The following MEOX2 variants were observed in gnomAD, a reference collection of about 807,000 sequenced individuals.
MEOX2 encodes homeobox protein MOX-2.
In MEOX2, 11 loss-of-function variants were observed where a neutral mutation model predicts 27.0. That is an observed-to-expected ratio of 0.41 (90% confidence interval 0.26 to 0.68). The LOEUF (loss-of-function observed/expected upper bound fraction) is 0.68, where lower values mean the gene tolerates loss of function less well. Ranked by LOEUF, MEOX2 falls within the 30% of genes least tolerant of loss-of-function variation. MEOX2 has a pLI of 0.33. For missense variants in MEOX2, 436 were observed against 385.4 expected, an observed-to-expected ratio of 1.13 and a Z score of -1.10; for synonymous variants, 189 against 155.4, an observed-to-expected ratio of 1.22 and a Z score of -1.61.
rs777349008 is a variant in MEOX2 at position 15,686,360 on chromosome 7, T to C, written c.43A>G (p.Thr15Ala). Residue 15 changes from threonine (T) to alanine (A), a missense_variant, in exon 1 of 3, where the codon ACG (threonine) becomes GCG (alanine). Transcript: ENST00000262041. ...LFGCLRSPHA[T>A]AQGLHPFSQS... ...GAGAACGGGTGCAAGCCTTGCGCCG[T>C]GGCGTGAGGGCTGCGCAGGCAGCCA... 6.3e-5 allele frequency: 101 copies of C among 1,592,200 alleles called. No homozygotes were observed. The highest frequency in any genetic ancestry group is 8.3e-5 in the Non-Finnish European group (97 of 1,168,754).
At chr7:15,682,490 A>C (rs1729015149) in intron 1 of MEOX2, among the ~76,000 whole-genome samples, 1 of 151,918 alleles carries the variant, frequency 6.6e-6, no homozygotes, top group East Asian at 1.9e-4. Flanking sequence ...TTTTACAAGA[A>C]TCTAATATGA....
chr7:15,669,088 C>G (rs776525966), intron 1 of MEOX2, among the ~76,000 whole-genome samples: 14 of 152,174 alleles, frequency 9.2e-5, no homozygotes, highest in African/African-American at 3.4e-4. Flanking sequence ...AACACAATTA[C>G]CACATCCACA....
chr7:15,627,019 G>A (rs202182874), intron 1 of MEOX2, 101 bp from the exon 2 acceptor site: 58 of 1,148,392 alleles, frequency 5.1e-5, no homozygotes, highest in African/African-American at 3.4e-4. Context: ...CAGGTACTGC[G>A]CTAGACATGG....
chr7:15,656,402 GT>G (rs1230552548), intron 1 of MEOX2, among the ~76,000 whole-genome samples: 13 of 147,934 alleles, frequency 8.8e-5, no homozygotes, highest in Admixed American at 7.4e-4. Flanking sequence ...TTTACTTTTT[GT>G]TTTTTCATTG....
intron 1 of MEOX2, chr7:15,680,978 G>A (rs1340628462): frequency 6.6e-6 from 1 of 150,410 alleles, no homozygotes; most frequent in South Asian, 2.1e-4. Context: ...ATCAAGGGGG[G>A]AAATGCTTAT....
In MEOX2 at chr7:15,686,444, G is replaced by C. The variant is rs1378706096; in HGVS notation, c.-42C>G. On this transcript the variant is annotated 5_prime_UTR_variant, in exon 1 of 3. Transcript: ENST00000262041. ...GTTCCAGGCAGAAGACTTCACGGCGGTTCCAAAGGCCACCACCCTCTGTCA... is the reference window on the plus strand; with the variant it reads ...GTTCCAGGCAGAAGACTTCACGGCGCTTCCAAAGGCCACCACCCTCTGTCA... 2.0e-6 allele frequency: 3 copies of C among 1,508,752 alleles called. No individual in the cohort carries two copies. Among genetic ancestry groups the C allele is most frequent in the South Asian group, 2.5e-5 (2 of 79,116 alleles). The allele number at this position is 1,508,752 out of a possible 1,614,324, so 93.5% of individuals were successfully genotyped here.
At chr7:15,667,371 C>T (rs1188794237) in intron 1 of MEOX2, among the ~76,000 whole-genome samples, 1 of 149,774 alleles carries the variant, frequency 6.7e-6, no homozygotes, top group Non-Finnish European at 1.5e-5. Flanking sequence ...TGGAAACTCC[C>T]TGGATTTCTC....
intron 1 of MEOX2, among the ~76,000 whole-genome samples, chr7:15,676,597 G>T (rs1472863671): frequency 6.6e-6 from 1 of 152,044 alleles, no homozygotes; most frequent in Non-Finnish European, 1.5e-5. Flanking sequence ...CTGGCCGGGC[G>T]CGGTGGCTCA....
At chr7:15,642,723 T>C (rs1376157159) in intron 1 of MEOX2, among the ~76,000 whole-genome samples, 1 of 152,210 alleles carries the variant, frequency 6.6e-6, no homozygotes, top group Non-Finnish European at 1.5e-5. Flanking sequence ...GGTTCCTTCT[T>C]ATCTGCAGAA....
At chr7:15,681,603 G>C (rs184507209) in intron 1 of MEOX2, 62 of 151,788 alleles carry the variant, frequency 4.1e-4, no homozygotes, top group African/African-American at 1.5e-3. Context: ...AGGATGTTTA[G>C]ATTTTATTAT....
In MEOX2 at chr7:15,674,332, G is replaced by A. The variant is rs145866448; in HGVS notation, c.517+11554C>T. Among the ~76,000 whole-genome samples the A allele has an allele frequency of 1.1e-3, 175 of 152,236 alleles. 1 individual carries two copies. The highest frequency in any genetic ancestry group is 1.6e-3 in the Non-Finnish European group (109 of 67,992). On this transcript the variant is annotated intron_variant, in intron 1 of 2. Transcript: ENST00000262041. ...TGTTCAGAGAATACTCACTTTGGGAGTCCTGGGGGAAAGAACTAAATTAAG... is the reference window on the plus strand; with the variant it reads ...TGTTCAGAGAATACTCACTTTGGGAATCCTGGGGGAAAGAACTAAATTAAG...
At chr7:15,629,394 T>C (rs189558088) in intron 1 of MEOX2, among the ~76,000 whole-genome samples, 1 of 152,210 alleles carries the variant, frequency 6.6e-6, no homozygotes, top group East Asian at 1.9e-4. Flanking sequence ...CTGGCTGTAG[T>C]TCAATATTTA....
intron 1 of MEOX2, among the ~76,000 whole-genome samples, chr7:15,661,012 CA>C (rs71004402): frequency 0.055 from 2,408 of 44,122 alleles, 11 homozygotes; most frequent in African/African-American, 0.18. Context: ...GACTCAGTCT[CA>C]AAAAAAAAAA....
chr7:15,628,278 A>T (rs932696128), intron 1 of MEOX2, among the ~76,000 whole-genome samples: 3 of 152,118 alleles, frequency 2.0e-5, no homozygotes, highest in Non-Finnish European at 4.4e-5. Context: ...CATAATGGAA[A>T]TTCACTAGAC....
chr7:15,686,512 A>G lies in MEOX2; in HGVS notation c.-110T>C. 1 of 921,598 alleles carries G rather than the reference A, an allele frequency of 1.1e-6. No individual in the cohort carries two copies. Among genetic ancestry groups the G allele is most frequent in the African/African-American group, 1.8e-5 (1 of 56,702 alleles). 57.1% of individuals were successfully genotyped at this position (921,598 alleles called of 1,614,324 possible). Reference sequence around the variant, plus strand: ...GTGTGATTTTTTTTTTAACCTCCCAAAGCAATAGCGGTGCACTTCTGCAGA... The same window carrying G: ...GTGTGATTTTTTTTTTAACCTCCCAGAGCAATAGCGGTGCACTTCTGCAGA... On this transcript the variant is annotated 5_prime_UTR_variant, in exon 1 of 3. Coordinates refer to ENST00000262041, the MANE Select transcript of MEOX2 (RefSeq NM_005924.5).
chr7:15,620,983 G>A (rs1025368122), intron 2 of MEOX2, among the ~76,000 whole-genome samples: 6 of 152,118 alleles, frequency 3.9e-5, no homozygotes, highest in African/African-American at 1.4e-4. Flanking sequence ...ATATGCTCCT[G>A]CAGCTGCTTT....
intron 1 of MEOX2, among the ~76,000 whole-genome samples, chr7:15,627,394 C>T (rs1011668065): frequency 4.0e-5 from 6 of 151,868 alleles, no homozygotes; most frequent in African/African-American, 1.5e-4. Context: ...TCAGACTGAG[C>T]GTATGTAAAA....
chr7:15,686,327 A>T lies in MEOX2; in HGVS notation c.76T>A (p.Ser26Thr). 1 of 1,604,830 alleles carries T rather than the reference A, an allele frequency of 6.2e-7. No individual in the cohort carries two copies. Among genetic ancestry groups the T allele is most frequent in the Non-Finnish European group, 8.5e-7 (1 of 1,175,304 alleles). The change falls in exon 1 of 3, where the codon TCT becomes ACT. Residue 26 changes from serine (S) to threonine (T), a missense_variant. Physicochemically the swap from Ser to Thr is moderately conservative, Grantham distance 58. Coordinates refer to ENST00000262041, the MANE Select transcript of MEOX2 (RefSeq NM_005924.5). ...TCAGATCTTCCATGGAGGGCGAGAG[A>T]GGATTGGGAGAACGGGTGCAAGCCT... ...AQGLHPFSQSSLALHGRSDHM... is the reference protein window; with the variant it reads ...AQGLHPFSQSTLALHGRSDHM...
At chr7:15,636,301 G>T (rs919650806) in intron 1 of MEOX2, among the ~76,000 whole-genome samples, 1 of 151,662 alleles carries the variant, frequency 6.6e-6, no homozygotes, top group African/African-American at 2.4e-5. Flanking sequence ...TAATCATATC[G>T]GAAGATTAAT....
Sources: allele counts gnomAD v4.1 joint callset (sites outside exome capture counted in the v4.1 genomes callset), GRCh38; gene constraint gnomAD v4.1.1; transcripts MANE v1.5; gene names NCBI Gene and HGNC (gene_info 2026-07-23, HGNC 2026-07-21).